The following CTNNA3 variants were observed in gnomAD, a reference collection of about 807,000 sequenced individuals.
The protein encoded by CTNNA3 is catenin alpha 3, also known as catenin alpha-3.
Under a neutral mutation model 95.7 loss-of-function variants are expected in CTNNA3, and 76 were observed. That is an observed-to-expected ratio of 0.79 (90% CI 0.66 to 0.96). CTNNA3 has a LOEUF of 0.96. Among genes scored for constraint, CTNNA3 ranks in the 40% least tolerant of loss-of-function variants. The pLI is 0.00. For synonymous variants in CTNNA3, 431 were observed against 374.4 expected (o/e 1.15, Z -1.74); for missense variants, 1,191 against 1,089.8 (o/e 1.09, Z -1.31).
intron 9 of CTNNA3, among the ~76,000 whole-genome samples, chr10:66,763,354 G>GGAGA (rs1397076945): frequency 6.6e-5 from 3 of 45,534 alleles, no homozygotes; most frequent in African/African-American, 2.4e-4. Context: ...AGAGAGAGAG[G>GGAGA]GAGAGAGAGA....
At chr10:67,569,008 T>G (rs1193534145) in intron 3 of CTNNA3, among the ~76,000 whole-genome samples, 1 of 152,174 alleles carries the variant, frequency 6.6e-6, no homozygotes, top group Non-Finnish European at 1.5e-5. Context: ...CGTTCTTCAT[T>G]TGAAAGAGAA....
intron 15 of CTNNA3, among the ~76,000 whole-genome samples, chr10:66,062,481 G>A (rs949518033): frequency 6.6e-6 from 1 of 152,054 alleles, no homozygotes; most frequent in Admixed American, 6.6e-5. Flanking sequence ...TGTGACAAAG[G>A]TGGAACCAAG....
chr10:67,689,002 G>T lies in CTNNA3; in HGVS notation c.-6+6998C>A, dbSNP rs186792375. Among the ~76,000 whole-genome samples the T allele has an allele frequency of 2.5e-4, 38 of 152,072 alleles. 1 individual carries two copies. The highest frequency in any genetic ancestry group is 1.1e-3 in the Admixed American group (17 of 15,272). On this transcript the variant is annotated intron_variant, in intron 1 of 17. Transcript: ENST00000433211. ...TGCATTCTCAAAAACCTGCATTCTT[G>T]CCTGTCCTCTTAGACCACAAAGAGG...
At chr10:67,685,657 T>C (rs1052426244) in intron 1 of CTNNA3, among the ~76,000 whole-genome samples, 5 of 152,260 alleles carry the variant, frequency 3.3e-5, no homozygotes. Context: ...ATTTGAGTGT[T>C]ATAGGGTTAC....
chr10:66,735,645 A>C (rs1849110175), intron 9 of CTNNA3, among the ~76,000 whole-genome samples: 1 of 152,128 alleles, frequency 6.6e-6, no homozygotes, highest in African/African-American at 2.4e-5. Flanking sequence ...TTAAGTTATC[A>C]ACTCTTCTGA....
chr10:66,807,691 G>A (rs973071789), intron 7 of CTNNA3, among the ~76,000 whole-genome samples: 1 of 152,104 alleles, frequency 6.6e-6, no homozygotes, highest in Admixed American at 6.6e-5. Context: ...CTATGAGTGA[G>A]ATCTCTGGGT....
chr10:67,358,932 C>T (rs1220824081), intron 5 of CTNNA3, among the ~76,000 whole-genome samples: 1 of 152,088 alleles, frequency 6.6e-6, no homozygotes, highest in African/African-American at 2.4e-5. Flanking sequence ...CTCCCCAGAA[C>T]ACTGCTGTGA....
intron 15 of CTNNA3, among the ~76,000 whole-genome samples, chr10:66,051,641 T>C (rs916650890): frequency 2.6e-5 from 4 of 152,226 alleles, no homozygotes; most frequent in Admixed American, 6.5e-5. Context: ...TGAGGATAAA[T>C]TGTAATAAAC....
chr10:66,913,623 A>G (rs922170469), intron 7 of CTNNA3, among the ~76,000 whole-genome samples: 1 of 152,236 alleles, frequency 6.6e-6, no homozygotes, highest in East Asian at 1.9e-4. Context: ...AATACATGGT[A>G]GAGTCAAGGC....
Position 66,891,439 on chromosome 10 carries a change from G to T in CTNNA3, c.1048-115915C>A, listed in dbSNP as rs542057346. Among the ~76,000 whole-genome samples the T allele has an allele frequency of 8.1e-4, 123 of 152,204 alleles. 1 individual carries two copies. The highest frequency in any genetic ancestry group is 2.8e-3 in the African/African-American group (116 of 41,536). ...AACTTTTACACAAATTTCTAAAACA[G>T]AATTTTGAAGGATATTTTGATTATA... is the stretch of plus-strand genomic sequence containing the variant. On this transcript the variant is annotated intron_variant, in intron 7 of 17. Coordinates refer to ENST00000433211, the MANE Select transcript of CTNNA3 (RefSeq NM_013266.4).
chr10:67,431,605 C>A (rs548036563), intron 5 of CTNNA3, among the ~76,000 whole-genome samples: 2 of 151,764 alleles, frequency 1.3e-5, no homozygotes, highest in Non-Finnish European at 2.9e-5. Flanking sequence ...GAAGATGCAG[C>A]CTGAAGGGTA....
intron 7 of CTNNA3, among the ~76,000 whole-genome samples, chr10:67,056,620 A>G (rs1855447595): frequency 6.6e-6 from 1 of 152,150 alleles, no homozygotes; most frequent in Non-Finnish European, 1.5e-5. Context: ...GGATAACAAT[A>G]AGGGCATTCC....
chr10:67,111,216 CTTACA>C (rs1045344319), intron 7 of CTNNA3, among the ~76,000 whole-genome samples: 6 of 152,120 alleles, frequency 3.9e-5, no homozygotes, highest in African/African-American at 1.4e-4. Context: ...AGAGGAAAAG[CTTACA>C]TTAATTTATC....
intron 5 of CTNNA3, among the ~76,000 whole-genome samples, chr10:67,409,874 G>A (rs111374957): frequency 0.013 from 1,986 of 152,230 alleles, 35 homozygotes; most frequent in African/African-American, 0.04. Flanking sequence ...TGGAGAGGTC[G>A]TGGAGAAAGA....
At chr10:65,948,479 G>T (rs984121770) in intron 17 of CTNNA3, among the ~76,000 whole-genome samples, 1 of 150,862 alleles carries the variant, frequency 6.6e-6, no homozygotes, top group African/African-American at 2.4e-5. Context: ...CTTGACCAAA[G>T]CTTCCTTAAG....
intron 6 of CTNNA3, among the ~76,000 whole-genome samples, chr10:67,185,606 C>A (rs945244640): frequency 6.6e-6 from 1 of 152,126 alleles, no homozygotes; most frequent in African/African-American, 2.4e-5. Context: ...ATGGGGCTGG[C>A]CATCAGTTAA....
At chr10:66,685,325 G>GTGTGTATATA (rs1361815002) in intron 9 of CTNNA3, among the ~76,000 whole-genome samples, 39 of 30,002 alleles carry the variant, frequency 1.3e-3, no homozygotes, top group African/African-American at 5.6e-3. Flanking sequence ...GTGTATGTGT[G>GTGTGTATATA]TATATATATA....
chr10:66,436,520 TTTTTTTGC>T (rs2093339123), intron 11 of CTNNA3, among the ~76,000 whole-genome samples: 2 of 138,658 alleles, frequency 1.4e-5, no homozygotes, highest in African/African-American at 5.9e-5. Context: ...TTTTTTTTTT[TTTTTTTGC>T]TTTCTATTTG....
At chr10:66,884,716 G>C (rs1444717253) in intron 7 of CTNNA3, among the ~76,000 whole-genome samples, 1 of 152,124 alleles carries the variant, frequency 6.6e-6, no homozygotes, top group Non-Finnish European at 1.5e-5. Flanking sequence ...AAGTTACTAA[G>C]TTTCAGTGCA....
Sources: allele counts gnomAD v4.1 joint callset (sites outside exome capture counted in the v4.1 genomes callset), GRCh38; gene constraint gnomAD v4.1.1; transcripts MANE v1.5; gene names NCBI Gene and HGNC (gene_info 2026-07-23, HGNC 2026-07-21).